The following RIMBP2 variants were observed in gnomAD, a reference collection of about 807,000 sequenced individuals.
RIMBP2 encodes RIMS-binding protein 2.
RIMBP2 carries 48 observed loss-of-function variants against 118.6 expected under a neutral mutation model. The observed-to-expected ratio is 0.40, with a 90% CI of 0.32 to 0.51. RIMBP2 has a LOEUF of 0.51. Ranked by LOEUF, RIMBP2 falls within the 20% of genes least tolerant of loss-of-function variation. RIMBP2 has a pLI of 0.41. For missense variants in RIMBP2, 1,551 were observed against 1,768.3 expected (o/e 0.88, Z 2.20); for synonymous variants, 762 against 742.9 (o/e 1.03, Z -0.42).
intron 2 of RIMBP2, among the ~76,000 whole-genome samples, chr12:130,553,075 C>G (rs947123116): frequency 6.6e-5 from 10 of 151,704 alleles, no homozygotes; most frequent in Admixed American, 2.0e-4. Context: ...ATGGCGTGAA[C>G]CTGGGAGGCA....
chr12:130,454,960 G>C (rs1214215817), intron 7 of RIMBP2, among the ~76,000 whole-genome samples: 1 of 152,202 alleles, frequency 6.6e-6, no homozygotes, highest in African/African-American at 2.4e-5. Flanking sequence ...ACTGATAAAG[G>C]CAGGCCTAGC....
rs1417834601 is a variant in RIMBP2 at position 130,578,652 on chromosome 12, C to T, written c.-217+49670G>A. ...CGTTAGCTCATTCCTTGACATTCAG[C>T]TCTCAGCGCAAATGCCCCCTTCTCA... On this transcript the variant is annotated intron_variant, in intron 2 of 22. Transcript: ENST00000690449. The surrounding 1 kb of genome is among the most constrained non-coding windows in gnomAD (Gnocchi z 4.1). 6.6e-6 allele frequency among the ~76,000 whole-genome samples: 1 copy of T among 152,202 alleles called. No individual in the cohort carries two copies. Among genetic ancestry groups the T allele is most frequent in the East Asian group, 1.9e-4 (1 of 5,188 alleles).
At chr12:130,545,021 T>A (rs2054979424) in intron 2 of RIMBP2, among the ~76,000 whole-genome samples, 1 of 152,210 alleles carries the variant, frequency 6.6e-6, no homozygotes, top group Non-Finnish European at 1.5e-5. Context: ...GATTCAAGCA[T>A]TTGTTTTTTT....
intron 2 of RIMBP2, among the ~76,000 whole-genome samples, chr12:130,602,117 G>A (rs1269617802): frequency 6.6e-6 from 1 of 152,082 alleles, no homozygotes; most frequent in Non-Finnish European, 1.5e-5. Flanking sequence ...TGGCCAGTAT[G>A]GCAAAACCTC....
intron 1 of RIMBP2, among the ~76,000 whole-genome samples, chr12:130,640,026 G>C (rs1440472419): frequency 2.6e-5 from 4 of 152,160 alleles, no homozygotes; most frequent in Non-Finnish European, 5.9e-5. Flanking sequence ...TAGCTTTCTA[G>C]TCAGTTCTAG....
chr12:130,567,603 A>AC (rs2057320787), intron 2 of RIMBP2, among the ~76,000 whole-genome samples: 1 of 152,128 alleles, frequency 6.6e-6, no homozygotes, highest in South Asian at 2.1e-4. Flanking sequence ...GGGCATCGGC[A>AC]CGTCCCTGGG....
At chr12:130,653,437 C>T (rs1423546745) in intron 1 of RIMBP2, among the ~76,000 whole-genome samples, 1 of 152,266 alleles carries the variant, frequency 6.6e-6, no homozygotes, top group Non-Finnish European at 1.5e-5. Flanking sequence ...GCTCCTGTGG[C>T]TTTGCAGGGT....
intron 21 of RIMBP2, among the ~76,000 whole-genome samples, chr12:130,402,260 A>G (rs1757917681): frequency 6.6e-6 from 1 of 152,134 alleles, no homozygotes; most frequent in African/African-American, 2.4e-5. Flanking sequence ...CCTCAAGCTC[A>G]AGAGTTTCTA....
chr12:130,711,447 C>T (rs191542164), intron 1 of RIMBP2, among the ~76,000 whole-genome samples: 10 of 152,304 alleles, frequency 6.6e-5, no homozygotes, highest in Non-Finnish European at 1.2e-4. Flanking sequence ...AGCACATGTT[C>T]TTCCTTCTGA....
chr12:130,559,167 G>C (rs979515138), intron 2 of RIMBP2, among the ~76,000 whole-genome samples: 1 of 152,008 alleles, frequency 6.6e-6, no homozygotes, highest in African/African-American at 2.4e-5. Context: ...TCTGTGGTGA[G>C]AAGATTTGAA....
At chr12:130,483,229 A>G (rs5016978) in intron 4 of RIMBP2, among the ~76,000 whole-genome samples, 4,710 of 7,286 alleles carry the variant, frequency 0.65, 1,492 homozygotes, top group East Asian at 0.73. Context: ...ACCTCATCCA[A>G]ATACACCCAC....
At chr12:130,470,476 T>G (rs542576787) in intron 6 of RIMBP2, 35 of 386,914 alleles carry the variant, frequency 9.0e-5, no homozygotes, top group Admixed American at 1.3e-4. Flanking sequence ...CTGCTTAACC[T>G]CTCTGTGCCT....
At position 130,597,425 on chromosome 12, in the gene RIMBP2, G is replaced by T. The variant is rs181998562; in HGVS notation, c.-217+30897C>A. ...CACCCAGCTAATTTTTGTATTTTTA[G>T]TAGAGACGGGATTTCACCATGTTGG... On this transcript the variant is annotated intron_variant, in intron 2 of 22. Coordinates refer to ENST00000690449, the MANE Select transcript of RIMBP2 (RefSeq NM_001393629.1). Among the ~76,000 whole-genome samples, 6 of 152,246 alleles carry T rather than the reference G, an allele frequency of 3.9e-5. No homozygotes were observed. In the East Asian group the frequency reaches 9.7e-4, roughly 25 times the overall value.
rs573278548 is a variant in RIMBP2 at position 130,670,783 on chromosome 12, T to C, written c.-351-42327A>G. Among the ~76,000 whole-genome samples the C allele has an allele frequency of 2.1e-4, 32 of 152,342 alleles. No homozygotes were observed. The highest frequency in any genetic ancestry group is 7.7e-4 in the African/African-American group (32 of 41,582). On this transcript the variant is annotated intron_variant, in intron 1 of 22. Transcript: ENST00000690449. This position sits in a 1 kb window ranked among gnomAD's most constrained non-coding sequence, Gnocchi z 4.9. ...GAAGACTTTTCTTTCCATTTATTTA[T>C]TTATTTATGAGATACAGTCCCTCTC...
chr12:130,614,478 C>T (rs2060775344), intron 2 of RIMBP2, among the ~76,000 whole-genome samples: 1 of 152,178 alleles, frequency 6.6e-6, no homozygotes, highest in Admixed American at 6.5e-5. Context: ...CAATAGGCCG[C>T]TCCACACAGA....
chr12:130,417,914 G>A (rs371814604), intron 17 of RIMBP2, among the ~76,000 whole-genome samples: 11 of 152,230 alleles, frequency 7.2e-5, no homozygotes, highest in East Asian at 5.8e-4. Flanking sequence ...CATGGGAGGT[G>A]GTCTCACAAC....
intron 7 of RIMBP2, among the ~76,000 whole-genome samples, chr12:130,454,783 C>T (rs553464355): frequency 1.3e-5 from 2 of 152,336 alleles, no homozygotes; most frequent in South Asian, 2.1e-4. Context: ...CTCCCTGTCC[C>T]GGGAGCTTTG....
rs2078225668 is a variant in RIMBP2, at chr12:130,442,667, G to C, written c.692-7C>G. On this transcript the variant is annotated splice_region_variant and splice_polypyrimidine_tract_variant and intron_variant, in intron 10 of 22. Coordinates refer to ENST00000690449, the MANE Select transcript of RIMBP2 (RefSeq NM_001393629.1). This position sits in a 1 kb window ranked among gnomAD's most constrained non-coding sequence, Gnocchi z 6.9. ...TGGCCATCGAGGAGCTCTCCTGTTG[G>C]GTACAAGGACAGAGTTATCACCCAG... 1 of 1,610,828 alleles carries C rather than the reference G, an allele frequency of 6.2e-7. No homozygotes were observed. Among genetic ancestry groups the C allele is most frequent in the African/African-American group, 1.3e-5 (1 of 74,900 alleles).
intron 4 of RIMBP2, among the ~76,000 whole-genome samples, chr12:130,497,093 T>A (rs1424414579): frequency 6.6e-6 from 1 of 152,174 alleles, no homozygotes; most frequent in East Asian, 1.9e-4. Flanking sequence ...GCTTCCTCCC[T>A]GAGCGTCTGT....
Sources: gnomAD v4.1 joint callset for allele counts (sites outside exome capture counted in the v4.1 genomes callset) on GRCh38, gnomAD v4.1.1 for gene constraint, Gnocchi (gnomAD v3.1) non-coding constraint, MANE v1.5 for transcripts, NCBI Gene and HGNC (gene_info 2026-07-23, HGNC 2026-07-21) for gene names.